TRAPPC11: variants seen among roughly 807,000 people sequenced by gnomAD.
TRAPPC11 encodes trafficking protein particle complex subunit 11.
Under a neutral mutation model 151.2 loss-of-function variants are expected in TRAPPC11, and 104 were observed. That is an observed-to-expected ratio of 0.69 (90% CI 0.59 to 0.81). The LOEUF is 0.81. Ranked by LOEUF, TRAPPC11 falls within the 30% of genes least tolerant of loss-of-function variation. The pLI, the probability that TRAPPC11 is intolerant of heterozygous loss-of-function variation, is 0.00. For missense variants in TRAPPC11, 1,230 were observed against 1,349.6 expected, an observed-to-expected ratio of 0.91 and a Z score of 1.39; for synonymous variants, 456 against 472.3, an observed-to-expected ratio of 0.97 and a Z score of 0.45.
intron 26 of TRAPPC11, among the ~76,000 whole-genome samples, 174 bp from the exon 27 acceptor site, chr4:183,704,803 ACT>A (rs1242445150): frequency 6.6e-6 from 1 of 152,050 alleles, no homozygotes; most frequent in Non-Finnish European, 1.5e-5. Flanking sequence ...ACAGAGTGAG[ACT>A]CTGTCTCAAA....
At chr4:183,675,108 A>C in intron 6 of TRAPPC11, 56 bp from the exon 7 acceptor site, 2 of 941,166 alleles carry the variant, frequency 2.1e-6, no homozygotes. Flanking sequence ...TAAACATTAT[A>C]ATTTTCACAT....
Position 183,667,042 on chromosome 4 carries a change from CT to C in TRAPPC11, c.375-16del, listed in dbSNP as rs897945331. 2 of 1,582,558 alleles carry C rather than the reference CT, an allele frequency of 1.3e-6. No individual in the cohort carries two copies. Among genetic ancestry groups the C allele is most frequent in the African/African-American group, 2.7e-5 (2 of 74,506 alleles). ...TTAAGTTAAAATAATTAATTTTATT[CT>C]TGCTTTTTCATTGCAGGCAAAGTTT... is the stretch of plus-strand genomic sequence containing the variant. On this transcript the variant is annotated splice_polypyrimidine_tract_variant and intron_variant, in intron 3 of 29. Coordinates refer to ENST00000334690, the MANE Select transcript of TRAPPC11 (RefSeq NM_021942.6).
At chr4:183,666,870 A>G (rs1734909587) in intron 3 of TRAPPC11, 190 bp from the exon 4 acceptor site, 1 of 505,052 alleles carries the variant, frequency 2.0e-6, no homozygotes, top group African/African-American at 1.9e-5. Context: ...AAGATGTGAG[A>G]TCATACTTTT....
chr4:183,697,569 G>A lies in TRAPPC11; in HGVS notation c.2694+1G>A, dbSNP rs1186858080. On this transcript the variant is annotated splice_donor_variant, in intron 24 of 29. Coordinates refer to ENST00000334690, the MANE Select transcript of TRAPPC11 (RefSeq NM_021942.6). LOFTEE classifies it high-confidence loss of function. The stretch of plus-strand genomic sequence containing the variant: ...TGCGGTTAAATTTGTTTCTACCAAG[G>A]TATGTTTCTTTGAGGCATACTAGAA... 1.2e-6 allele frequency: 2 copies of A among 1,604,546 alleles called. No homozygotes were observed. The highest frequency in any genetic ancestry group is 1.7e-6 in the Non-Finnish European group (2 of 1,178,038).
chr4:183,709,272 A>G (rs1033983619), intron 29 of TRAPPC11, among the ~76,000 whole-genome samples: 5 of 152,126 alleles, frequency 3.3e-5, no homozygotes, highest in African/African-American at 7.2e-5. Flanking sequence ...GACAGTTTAT[A>G]TTGCTCACTA....
chr4:183,671,897 C>T (rs1402781655), intron 5 of TRAPPC11, among the ~76,000 whole-genome samples: 2 of 152,108 alleles, frequency 1.3e-5, no homozygotes, highest in East Asian at 1.9e-4. Context: ...AGGAGCAGCT[C>T]GTAATTAAAA....
At chr4:183,669,863 A>G (rs1056399428) in intron 5 of TRAPPC11, among the ~76,000 whole-genome samples, 6 of 152,330 alleles carry the variant, frequency 3.9e-5, no homozygotes, top group African/African-American at 1.4e-4. Context: ...CAAGAGAAAC[A>G]GAGGATGGGC....
At chr4:183,664,197 C>G (rs560421799) in intron 2 of TRAPPC11, 126 bp downstream of exon 2, 1 of 773,974 alleles carries the variant, frequency 1.3e-6, no homozygotes, top group East Asian at 2.5e-5. Flanking sequence ...ATAAAGAAAG[C>G]CTTAGGCATT....
At chr4:183,676,604 T>G (rs1479057583) in intron 7 of TRAPPC11, among the ~76,000 whole-genome samples, 2 of 152,276 alleles carry the variant, frequency 1.3e-5, no homozygotes, top group Admixed American at 6.5e-5. Flanking sequence ...TCCTTCCATG[T>G]GCAAGGTAGG....
chr4:183,690,075 T>G (rs1372994067), intron 18 of TRAPPC11, among the ~76,000 whole-genome samples: 1 of 152,058 alleles, frequency 6.6e-6, no homozygotes. Flanking sequence ...TGGTGGCGGG[T>G]GCCTGTAGTC....
chr4:183,665,929 C>CTTTTTTT (rs11462767), intron 2 of TRAPPC11, among the ~76,000 whole-genome samples: 1 of 137,888 alleles, frequency 7.3e-6, no homozygotes, highest in Non-Finnish European at 1.5e-5. Context: ...AAATGGGCTA[C>CTTTTTTT]TTTTTTTTTT....
At chr4:183,682,275 A>G (rs1156796770) in intron 10 of TRAPPC11, among the ~76,000 whole-genome samples, 1 of 152,230 alleles carries the variant, frequency 6.6e-6, no homozygotes, top group African/African-American at 2.4e-5. Flanking sequence ...AAGAAAAAGC[A>G]CTGTAAATCT....
At chr4:183,663,455 G>A (rs917236240) in intron 1 of TRAPPC11, among the ~76,000 whole-genome samples, 6 of 152,052 alleles carry the variant, frequency 3.9e-5, no homozygotes, top group Admixed American at 2.0e-4. Flanking sequence ...GGATGGTCTC[G>A]ATCTCCTGAC....
rs561729000 is a variant in TRAPPC11, at chr4:183,685,183, A to G, written c.1629+38A>G. 5.0e-5 allele frequency: 80 copies of G among 1,611,458 alleles called. 1 individual carries two copies. The South Asian group carries it at 7.8e-4, about 16-fold the overall frequency. ...TGTTTATATAGAGTGTGTTATTAGG[A>G]ATATGTGTACTTATATCTATATCAA... On this transcript the variant is annotated intron_variant, in intron 16 of 29. Coordinates refer to ENST00000334690, the MANE Select transcript of TRAPPC11 (RefSeq NM_021942.6).
At chr4:183,694,783 T>C in intron 23 of TRAPPC11, 60 bp downstream of exon 23, 10 of 1,552,166 alleles carry the variant, frequency 6.4e-6, no homozygotes, top group Non-Finnish European at 8.7e-6. Flanking sequence ...TTTTGTGTTA[T>C]TTTAGTTTAC....
intron 29 of TRAPPC11, among the ~76,000 whole-genome samples, chr4:183,711,322 C>G (rs1328007141): frequency 1.3e-5 from 2 of 152,178 alleles, no homozygotes; most frequent in Non-Finnish European, 2.9e-5. Flanking sequence ...TTCAAGTGCT[C>G]AATCGCTAAA....
chr4:183,697,769 T>C lies in TRAPPC11; in HGVS notation c.2785T>C (p.Ser929Pro). 6.2e-7 allele frequency: 1 copy of C among 1,614,080 alleles called. No homozygotes were observed. Among genetic ancestry groups the C allele is most frequent in the Non-Finnish European group, 8.5e-7 (1 of 1,180,020 alleles). Residue 929 changes from serine to proline, a missense_variant, in exon 25 of 30, where the codon TCC becomes CCC. Physicochemically the swap from Ser to Pro is moderately conservative, Grantham distance 74. Coordinates refer to ENST00000334690, the MANE Select transcript of TRAPPC11 (RefSeq NM_021942.6). ...CTCACCCTGGGCCCTCACTATTGTTTCCAGTGAGCTCCAGCTTGCTCCATC... is the reference window on the plus strand; with the variant it reads ...CTCACCCTGGGCCCTCACTATTGTTCCCAGTGAGCTCCAGCTTGCTCCATC... Reference protein sequence around the residue: ...SASPWALTIVSSELQLAPSMT... With the variant: ...SASPWALTIVPSELQLAPSMT...
In TRAPPC11 at chr4:183,708,482, C is replaced by T. The variant is rs1243139627; in HGVS notation, c.3265C>T (p.Gln1089Ter). 1 of 1,614,122 alleles carries T rather than the reference C, an allele frequency of 6.2e-7. No homozygotes were observed. Among genetic ancestry groups the T allele is most frequent in the South Asian group, 1.1e-5 (1 of 91,080 alleles). The change falls in exon 29 of 30, where the codon CAG becomes TAG. Residue 1089 changes from glutamine to a stop codon, truncating the protein, a stop_gained. Transcript: ENST00000334690. LOFTEE classifies it high-confidence loss of function. ...NFYPLMAGYQQLPSLNINLLR... is the reference protein window; with the variant it reads ...NFYPLMAGYQ The stretch of plus-strand genomic sequence containing the variant: ...CTATCCTCTGATGGCTGGATACCAG[C>T]AGCTGCCATCTCTCAACATCAACTT...
chr4:183,679,350 C>A lies in TRAPPC11; in HGVS notation c.832-3C>A, dbSNP rs368922437. On this transcript the variant is annotated splice_region_variant and splice_polypyrimidine_tract_variant and intron_variant, in intron 8 of 29. Transcript: ENST00000334690. ...ATTTTGGGATCAATTTTACATTTTG[C>A]AGATCTGTAGGCTGTGTTTTCAACA... is the stretch of plus-strand genomic sequence containing the variant. 4.3e-5 allele frequency: 67 copies of A among 1,569,326 alleles called. No individual in the cohort carries two copies. The highest frequency in any genetic ancestry group is 5.6e-5 in the Non-Finnish European group (65 of 1,161,566).
Sources: gnomAD v4.1 joint callset for allele counts (sites outside exome capture counted in the v4.1 genomes callset) on GRCh38, gnomAD v4.1.1 for gene constraint, MANE v1.5 for transcripts, NCBI Gene and HGNC (gene_info 2026-07-23, HGNC 2026-07-21) for gene names.